The following LMO7 variants were observed in gnomAD, a reference collection of about 807,000 sequenced individuals.
The protein encoded by LMO7 is LIM domain 7.
In LMO7, 120 loss-of-function variants were observed where a neutral mutation model predicts 206.5. The ratio of observed to expected loss-of-function variants is 0.58; its 90% CI spans 0.50 to 0.68. The LOEUF is 0.68. Ranked by LOEUF, LMO7 falls within the 30% of genes least tolerant of loss-of-function variation. The pLI is 0.00. For missense variants in LMO7, 1,959 were observed against 1,957.9 expected, an observed-to-expected ratio of 1.00 and a Z score of -0.01; for synonymous variants, 706 against 681.5, an observed-to-expected ratio of 1.04 and a Z score of -0.56.
intron 11 of LMO7, among the ~76,000 whole-genome samples, chr13:75,814,422 A>G (rs1389311062): frequency 1.3e-5 from 2 of 152,316 alleles, no homozygotes; most frequent in Admixed American, 1.3e-4. Context: ...TAACAGACAT[A>G]AGGCTGAGGG....
chr13:75,639,500 A>G (rs1474327852), intron 1 of LMO7, among the ~76,000 whole-genome samples: 2 of 152,220 alleles, frequency 1.3e-5, no homozygotes, highest in African/African-American at 4.8e-5. Flanking sequence ...AAACCAAGTA[A>G]TGGTTTCAAG....
At chr13:75,633,996 A>G (rs1288939413), upstream of LMO7, among the ~76,000 whole-genome samples, 2 of 112,008 alleles carry the variant, frequency 1.8e-5, no homozygotes, top group Admixed American at 2.1e-4. Flanking sequence ...ACGTCCAGCT[A>G]ATTTTTTTTT....
intron 4 of LMO7, among the ~76,000 whole-genome samples, chr13:75,771,073 T>C (rs1168668155): frequency 6.6e-6 from 1 of 152,132 alleles, no homozygotes; most frequent in African/African-American, 2.4e-5. Flanking sequence ...AATGGATTTG[T>C]GTACATGATT....
chr13:75,805,882 C>A, intron 9 of LMO7, 122 bp downstream of exon 9: 1 of 1,156,576 alleles, frequency 8.6e-7, no homozygotes, highest in Non-Finnish European at 1.2e-6. Flanking sequence ...TCTCTAGTAT[C>A]TGCGGAACCT....
intron 1 of LMO7, among the ~76,000 whole-genome samples, chr13:75,647,138 C>A (rs2037103569): frequency 6.6e-6 from 1 of 151,962 alleles, no homozygotes. Flanking sequence ...AATATAAGTG[C>A]CTTATGTACA....
chr13:75,652,698 A>G (rs1314615553), intron 1 of LMO7, among the ~76,000 whole-genome samples: 1 of 151,716 alleles, frequency 6.6e-6, no homozygotes. Context: ...GTAGAAAGCC[A>G]TGGATTGATT....
At chr13:75,778,037 G>T (rs1298685212) in intron 4 of LMO7, among the ~76,000 whole-genome samples, 6 of 152,192 alleles carry the variant, frequency 3.9e-5, no homozygotes. Flanking sequence ...CCCTTCTTCA[G>T]AGACTACGAC....
At chr13:75,801,572 A>C (rs1022522770) in intron 7 of LMO7, among the ~76,000 whole-genome samples, 4 of 152,358 alleles carry the variant, frequency 2.6e-5, no homozygotes, top group African/African-American at 9.6e-5. Context: ...TGGTCAGTTC[A>C]GTTATTTCAA....
At chr13:75,638,730 T>C (rs1160070396) in intron 1 of LMO7, among the ~76,000 whole-genome samples, 2 of 152,202 alleles carry the variant, frequency 1.3e-5, no homozygotes, top group Non-Finnish European at 2.9e-5. Context: ...TGTCCACATC[T>C]ATCTCTCTTG....
intron 4 of LMO7, among the ~76,000 whole-genome samples, chr13:75,794,946 A>C (rs113911282): frequency 1.3e-5 from 2 of 151,968 alleles, no homozygotes; most frequent in Non-Finnish European, 2.9e-5. Flanking sequence ...TGAAAAAAAA[A>C]CCCCATCAGT....
At position 75,804,488 on chromosome 13, in the gene LMO7, CAGA is replaced by C. The variant is rs1250237839; in HGVS notation, c.867_869del (p.Arg289del). ...AAAAGCCAGACAAACATGAGGATAA[CAGA>C]AGAAGTTGGGCAAGCCCGGTTTATA... is the stretch of plus-strand genomic sequence containing the variant. On this transcript the variant is annotated inframe_deletion, in exon 8 of 31. Transcript: ENST00000377534. 6 of 1,613,992 alleles carry C rather than the reference CAGA, an allele frequency of 3.7e-6. No homozygotes were observed. The highest frequency in any genetic ancestry group is 3.3e-5 in the Admixed American group (2 of 60,010).
intron 3 of LMO7, among the ~76,000 whole-genome samples, chr13:75,738,887 C>T (rs961570840): frequency 6.6e-6 from 1 of 152,148 alleles, no homozygotes; most frequent in Non-Finnish European, 1.5e-5. Context: ...AGCCTGGACC[C>T]CTCATGATTT....
At chr13:75,835,725 G>C (rs571471764) in intron 18 of LMO7, among the ~76,000 whole-genome samples, 7 of 152,220 alleles carry the variant, frequency 4.6e-5, no homozygotes, top group African/African-American at 1.7e-4. Context: ...GTTAATAGTT[G>C]GGTGTAATGT....
Position 75,767,040 on chromosome 13 carries a change from C to T in LMO7, c.317+6002C>T, listed in dbSNP as rs556704206. 1.3e-3 allele frequency among the ~76,000 whole-genome samples: 191 copies of T among 152,184 alleles called. 3 individuals are homozygous for T. Among genetic ancestry groups the T allele is most frequent in the Admixed American group, 0.01 (158 of 15,250 alleles). ...TACCAGAATAATGATAATGACATGG[C>T]ATATTACAAGATAATCTAAAACTTA... On this transcript the variant is annotated intron_variant, in intron 4 of 30. Coordinates refer to ENST00000377534, the MANE Select transcript of LMO7 (RefSeq NM_001306080.2).
At chr13:75,772,116 A>G (rs2049833468) in intron 4 of LMO7, among the ~76,000 whole-genome samples, 1 of 152,144 alleles carries the variant, frequency 6.6e-6, no homozygotes, top group Admixed American at 6.6e-5. Flanking sequence ...TTTCTTTACC[A>G]AGATTTATAA....
chr13:75,646,324 C>A (rs544641147), intron 1 of LMO7, among the ~76,000 whole-genome samples: 1 of 152,336 alleles, frequency 6.6e-6, no homozygotes, highest in African/African-American at 2.4e-5. Context: ...GTAGCCTGGA[C>A]TCCTTGCTTC....
intron 2 of LMO7, 84 bp from the exon 3 acceptor site, chr13:75,726,945 G>C (rs771677452): frequency 2.5e-5 from 19 of 757,798 alleles, no homozygotes; most frequent in Non-Finnish European, 4.5e-5. Flanking sequence ...GGAGGGAATA[G>C]TGATATATGT....
intron 1 of LMO7, among the ~76,000 whole-genome samples, chr13:75,700,279 G>A (rs781239992): frequency 2.0e-5 from 3 of 152,202 alleles, no homozygotes; most frequent in Non-Finnish European, 4.4e-5. Flanking sequence ...AGTAAAGACA[G>A]GCATAGGAAA....
chr13:75,791,298 T>G (rs554530918), intron 4 of LMO7, among the ~76,000 whole-genome samples: 14 of 152,304 alleles, frequency 9.2e-5, no homozygotes, highest in Admixed American at 7.2e-4. Flanking sequence ...TATTGCAATT[T>G]AAAGATAACA....
Sources: gnomAD v4.1 joint callset for allele counts (sites outside exome capture counted in the v4.1 genomes callset) on GRCh38, gnomAD v4.1.1 for gene constraint, MANE v1.5 for transcripts, NCBI Gene and HGNC (gene_info 2026-07-23, HGNC 2026-07-21) for gene names.